The following RAP1GAP2 variants were observed in gnomAD, a reference collection of about 807,000 sequenced individuals.
RAP1GAP2 encodes RAP1 GTPase activating protein 2.
A neutral mutation model predicts 95.0 loss-of-function variants in RAP1GAP2; 27 were observed. That is an observed-to-expected ratio of 0.28 (90% CI 0.21 to 0.39). RAP1GAP2 has a LOEUF of 0.39. RAP1GAP2 is among the 10% of genes least tolerant of loss of function. The pLI, the probability that RAP1GAP2 is intolerant of heterozygous loss-of-function variation, is 1.00. For missense variants in RAP1GAP2, 771 were observed against 970.0 expected (o/e 0.79, Z 2.72); for synonymous variants, 373 against 380.9 (o/e 0.98, Z 0.24).
At position 3,036,620 on chromosome 17, in the gene RAP1GAP2, A is replaced by G. The variant is rs1195882849; in HGVS notation, c.*3259A>G. 1 of 152,190 alleles carries G rather than the reference A, an allele frequency of 6.6e-6. No individual in the cohort carries two copies. Among genetic ancestry groups the G allele is most frequent in the Non-Finnish European group, 1.5e-5 (1 of 68,064 alleles). 9.4% of individuals were successfully genotyped at this position (152,190 alleles called of 1,614,324 possible). A position where few individuals can be genotyped will look rare whatever the true frequency, so the allele number is the denominator to read the frequency against. Reference sequence around the variant, plus strand: ...ATTCAGTGAACTATTCCTCAGTGGGATCGGTTCTTCAGCTCCTGATGGGGG... The same window carrying G: ...ATTCAGTGAACTATTCCTCAGTGGGGTCGGTTCTTCAGCTCCTGATGGGGG... On this transcript the variant is annotated 3_prime_UTR_variant, in exon 25 of 25. Coordinates refer to ENST00000254695, the MANE Select transcript of RAP1GAP2 (RefSeq NM_015085.5).
At chr17:2,760,907 T>C (rs536534675) in intron 1 of RAP1GAP2, among the ~76,000 whole-genome samples, 6 of 152,224 alleles carry the variant, frequency 3.9e-5, no homozygotes, top group African/African-American at 1.4e-4. Flanking sequence ...ATTATGAGTT[T>C]TGGGGAGGAG....
chr17:2,822,707 AT>A (rs896356620), intron 2 of RAP1GAP2, among the ~76,000 whole-genome samples: 6 of 141,196 alleles, frequency 4.2e-5, no homozygotes, highest in South Asian at 2.2e-4. Flanking sequence ...CTTTGGGGAA[AT>A]TTTTTTTTTA....
chr17:3,015,710 G>C (rs1478477265), intron 17 of RAP1GAP2, among the ~76,000 whole-genome samples: 1 of 152,124 alleles, frequency 6.6e-6, no homozygotes, highest in Non-Finnish European at 1.5e-5. Flanking sequence ...CCAGCTACTC[G>C]GGAGGCTGAG....
chr17:2,930,791 A>C (rs2043117397), intron 3 of RAP1GAP2, among the ~76,000 whole-genome samples: 2 of 152,214 alleles, frequency 1.3e-5, no homozygotes, highest in Non-Finnish European at 2.9e-5. Flanking sequence ...AACAAAATGC[A>C]AAGAAAAACA....
At chr17:2,794,038 G>T (rs1349182168), upstream of RAP1GAP2, among the ~76,000 whole-genome samples, 2 of 149,036 alleles carry the variant, frequency 1.3e-5, no homozygotes, top group Non-Finnish European at 3.0e-5. Flanking sequence ...GGTGGAGGTT[G>T]CAGTGAGCCG....
At chr17:2,848,565 A>G (rs760818373) in intron 2 of RAP1GAP2, among the ~76,000 whole-genome samples, 9 of 150,492 alleles carry the variant, frequency 6.0e-5, no homozygotes, top group Non-Finnish European at 1.3e-4. Flanking sequence ...CCCAGGCTGG[A>G]GTGCAGTGGC....
intron 2 of RAP1GAP2, among the ~76,000 whole-genome samples, chr17:2,820,519 C>G (rs2151517796): frequency 6.6e-6 from 1 of 150,940 alleles, no homozygotes; most frequent in East Asian, 2.0e-4. Context: ...ACTAGGGTGG[C>G]TGAGGCAGGA....
At chr17:2,781,101 GC>G (rs1472543910) in intron 1 of RAP1GAP2, among the ~76,000 whole-genome samples, 1 of 152,232 alleles carries the variant, frequency 6.6e-6, no homozygotes, top group Non-Finnish European at 1.5e-5. Flanking sequence ...CGAGCCCCTG[GC>G]CCCGGCCACG....
At chr17:2,933,650 G>A (rs2043222352) in intron 3 of RAP1GAP2, among the ~76,000 whole-genome samples, 1 of 152,240 alleles carries the variant, frequency 6.6e-6, no homozygotes, top group African/African-American at 2.4e-5. Context: ...CTGCCTCTAA[G>A]CCTTTGCCTG....
chr17:2,792,659 G>C (rs76674665), upstream of RAP1GAP2, among the ~76,000 whole-genome samples: 2,882 of 152,360 alleles, frequency 0.019, 152 homozygotes, highest in Admixed American at 0.11. Context: ...AGTCCAGGCT[G>C]TGGGTTCTGC....
In RAP1GAP2 at chr17:2,825,854, T is replaced by C. The variant is rs1041671075; in HGVS notation, c.80+25304T>C. Among the ~76,000 whole-genome samples, 1 of 151,940 alleles carries C rather than the reference T, an allele frequency of 6.6e-6. No individual in the cohort carries two copies. Among genetic ancestry groups the C allele is most frequent in the African/African-American group, 2.4e-5 (1 of 41,378 alleles). On this transcript the variant is annotated intron_variant, in intron 2 of 24. Coordinates refer to ENST00000254695, the MANE Select transcript of RAP1GAP2 (RefSeq NM_015085.5). This position sits in a 1 kb window ranked among gnomAD's most constrained non-coding sequence, Gnocchi z 4.1. ...TCTGCAAAGCATGAGGCAGTGCCAA[T>C]AGAGATATTCTTCCTGGTGGAATGA... is the stretch of plus-strand genomic sequence containing the variant.
chr17:2,872,870 C>G (rs528851662), intron 2 of RAP1GAP2, among the ~76,000 whole-genome samples: 238 of 151,978 alleles, frequency 1.6e-3, no homozygotes, highest in Non-Finnish European at 2.9e-3. Flanking sequence ...ACTTTGTTGC[C>G]CAGGCCTGGT....
At chr17:2,815,360 C>A (rs72817373) in intron 2 of RAP1GAP2, among the ~76,000 whole-genome samples, 25,209 of 151,938 alleles carry the variant, frequency 0.17, 2,889 homozygotes, top group African/African-American at 0.33. Flanking sequence ...CGTGGGTGCG[C>A]TTGTTGTGAG....
Position 2,902,220 on chromosome 17 carries a change from CTTT to C in RAP1GAP2, c.81-3052_81-3050del, listed in dbSNP as rs775812605. ...TTTCTTCACATTGTTGCCTTCCCTT[CTTT>C]TTTTTTTTTTTGAGATGGAGTCTTG... On this transcript the variant is annotated intron_variant, in intron 2 of 24. Transcript: ENST00000254695. This position sits in a 1 kb window ranked among gnomAD's most constrained non-coding sequence, Gnocchi z 4.1. Among the ~76,000 whole-genome samples the C allele has an allele frequency of 6.9e-6, 1 of 144,720 alleles. No homozygotes were observed. The allele number at this position is 144,720 out of a possible 152,430, so 94.9% of individuals were successfully genotyped here.
intron 1 of RAP1GAP2, among the ~76,000 whole-genome samples, chr17:2,784,252 C>T (rs1414698851): frequency 2.6e-5 from 4 of 151,442 alleles, no homozygotes; most frequent in East Asian, 3.9e-4. Flanking sequence ...GGATTACAGG[C>T]GTGAGCCACC....
chr17:2,809,422 G>T (rs73976587), intron 2 of RAP1GAP2, among the ~76,000 whole-genome samples: 386 of 152,326 alleles, frequency 2.5e-3, no homozygotes, highest in African/African-American at 8.8e-3. Context: ...GTGTGAGTGT[G>T]AGGGTATGGG....
chr17:2,779,655 AG>A (rs1251732107), intron 1 of RAP1GAP2, among the ~76,000 whole-genome samples: 3 of 152,118 alleles, frequency 2.0e-5, no homozygotes, highest in African/African-American at 7.2e-5. Flanking sequence ...GAGGAGGGCG[AG>A]GGGAGAGGAC....
At chr17:2,900,936 G>A (rs550974573) in intron 2 of RAP1GAP2, among the ~76,000 whole-genome samples, 2 of 152,296 alleles carry the variant, frequency 1.3e-5, no homozygotes, top group South Asian at 2.1e-4. Flanking sequence ...CGGTTGCAGT[G>A]ACCTCAAGAT....
chr17:2,823,663 G>T (rs1447422710), intron 2 of RAP1GAP2, among the ~76,000 whole-genome samples: 1 of 152,204 alleles, frequency 6.6e-6, no homozygotes, highest in Non-Finnish European at 1.5e-5. Context: ...TCCAGTCAAG[G>T]TCAGAAGAGG....
Sources: gnomAD v4.1 joint callset for allele counts (sites outside exome capture counted in the v4.1 genomes callset) on GRCh38, gnomAD v4.1.1 for gene constraint, Gnocchi (gnomAD v3.1) non-coding constraint, MANE v1.5 for transcripts, NCBI Gene and HGNC (gene_info 2026-07-23, HGNC 2026-07-21) for gene names.